TBC1D1: variants seen among roughly 807,000 people sequenced by gnomAD.
TBC1D1 encodes TBC1 domain family member 1, also known as TBC1 (tre-2/USP6, BUB2, cdc16) domain family, member 1.
TBC1D1 carries 89 observed loss-of-function variants against 125.6 expected under a neutral mutation model. The observed-to-expected ratio is 0.71, with a 90% CI of 0.60 to 0.85. The LOEUF (loss-of-function observed/expected upper bound fraction) is 0.85, where lower values mean the gene tolerates loss of function less well. TBC1D1 is among the 40% of genes least tolerant of loss of function. The probability of loss-of-function intolerance (pLI) is 0.00; values close to 1 mark genes in which losing one functional copy is unlikely to be tolerated. For missense variants in TBC1D1, 1,377 were observed against 1,469.2 expected (o/e 0.94, Z 1.03); for synonymous variants, 565 against 564.1 (o/e 1.00, Z -0.02).
At chr4:38,117,285 G>A (rs1367279502) in intron 16 of TBC1D1, among the ~76,000 whole-genome samples, 1 of 151,954 alleles carries the variant, frequency 6.6e-6, no homozygotes, top group Admixed American at 6.6e-5. Context: ...TCTGTAGGTT[G>A]TTGTTTCTTT....
intron 2 of TBC1D1, among the ~76,000 whole-genome samples, chr4:37,951,325 C>G (rs1727822284): frequency 6.6e-6 from 1 of 152,124 alleles, no homozygotes; most frequent in Non-Finnish European, 1.5e-5. Flanking sequence ...CCCGAGCTGA[C>G]ACTGGTTGAA....
At chr4:38,013,706 G>A (rs988365440) in intron 2 of TBC1D1, among the ~76,000 whole-genome samples, 1 of 152,222 alleles carries the variant, frequency 6.6e-6, no homozygotes, top group African/African-American at 2.4e-5. Flanking sequence ...ATGAGAGGAT[G>A]TAGCAGTAGG....
intron 12 of TBC1D1, among the ~76,000 whole-genome samples, chr4:38,070,586 T>C (rs1351604491): frequency 6.6e-6 from 1 of 152,212 alleles, no homozygotes; most frequent in East Asian, 1.9e-4. Flanking sequence ...TGGTTTCTTT[T>C]GTATAAAGGG....
At position 37,995,874 on chromosome 4, in the gene TBC1D1, A is replaced by G; in HGVS notation, c.418-18635A>G. On this transcript the variant is annotated intron_variant, in intron 2 of 19. Transcript: ENST00000261439. This position sits in a 1 kb window ranked among gnomAD's most constrained non-coding sequence, Gnocchi z 4.3. ...CACCAGAATGCATTTCTCTTTGAGA[A>G]TCCAGACTTCTGGCTTAACCATGGC... 2 of 579,596 alleles carry G rather than the reference A, an allele frequency of 3.5e-6. No individual in the cohort carries two copies. Among genetic ancestry groups the G allele is most frequent in the South Asian group, 2.7e-5 (2 of 72,790 alleles). 35.9% of individuals were successfully genotyped at this position (579,596 alleles called of 1,614,324 possible).
Position 37,961,575 on chromosome 4 carries a change from G to C in TBC1D1, c.418-52934G>C, listed in dbSNP as rs146077827. 2.0e-3 allele frequency among the ~76,000 whole-genome samples: 301 copies of C among 152,292 alleles called. 2 individuals carry two copies. Among genetic ancestry groups the C allele is most frequent in the African/African-American group, 7.0e-3 (289 of 41,552 alleles). On this transcript the variant is annotated intron_variant, in intron 2 of 19. Transcript: ENST00000261439. ...TTGAATTCTGTACAAAGCTTTGATA[G>C]AGTCACAGATGTCTGGTGTCAATCC...
At chr4:37,967,265 C>CG (rs1033230339) in intron 2 of TBC1D1, among the ~76,000 whole-genome samples, 1 of 152,018 alleles carries the variant, frequency 6.6e-6, no homozygotes, top group Non-Finnish European at 1.5e-5. Flanking sequence ...GAGGGCGAGG[C>CG]GGGTGGATCA....
chr4:38,132,930 T>C (rs1324036750), intron 18 of TBC1D1, 154 bp from the exon 21 acceptor site: 2 of 471,156 alleles, frequency 4.2e-6, no homozygotes, highest in African/African-American at 2.0e-5. Flanking sequence ...TCTCAGTGCG[T>C]AGTTTTTCTT....
At chr4:38,009,719 A>T (rs1411239783) in intron 2 of TBC1D1, among the ~76,000 whole-genome samples, 1 of 152,254 alleles carries the variant, frequency 6.6e-6, no homozygotes, top group East Asian at 1.9e-4. Flanking sequence ...GTGAACAAAG[A>T]AACTTGTTTT....
intron 2 of TBC1D1, among the ~76,000 whole-genome samples, chr4:37,998,478 G>C (rs924570383): frequency 2.0e-5 from 3 of 152,182 alleles, no homozygotes; most frequent in African/African-American, 7.2e-5. Context: ...GGGTCGGGCT[G>C]TCCTGGGCCT....
chr4:37,977,392 C>A lies in TBC1D1; in HGVS notation c.418-37117C>A. 1.9e-6 allele frequency: 1 copy of A among 527,598 alleles called. No individual in the cohort carries two copies. Among genetic ancestry groups the A allele is most frequent in the Non-Finnish European group, 2.4e-6 (1 of 414,294 alleles). The allele number at this position is 527,598 out of a possible 1,614,324, so 32.7% of individuals were successfully genotyped here. A position where few individuals can be genotyped will look rare whatever the true frequency, so the allele number is the denominator to read the frequency against. ...GCCGCCGCCGCCGGGGAGAGCGATG[C>A]CCCGGCCCCGCCGCTCCCCAAGCCC... On this transcript the variant is annotated intron_variant, in intron 2 of 19. Transcript: ENST00000261439. This position sits in a 1 kb window ranked among gnomAD's most constrained non-coding sequence, Gnocchi z 4.3.
At chr4:37,983,019 G>T (rs549346546) in intron 2 of TBC1D1, among the ~76,000 whole-genome samples, 9 of 152,316 alleles carry the variant, frequency 5.9e-5, no homozygotes, top group Non-Finnish European at 1.2e-4. Flanking sequence ...AGTAGCAGAG[G>T]CGAATGAGGA....
chr4:37,952,185 C>G (rs1174417548), intron 2 of TBC1D1: 1 of 673,744 alleles, frequency 1.5e-6, no homozygotes, highest in African/African-American at 1.8e-5. Context: ...GACTATTTAT[C>G]CTGTGACTTC....
At chr4:37,966,962 T>C (rs1731190666) in intron 2 of TBC1D1, among the ~76,000 whole-genome samples, 1 of 152,232 alleles carries the variant, frequency 6.6e-6, no homozygotes, top group Non-Finnish European at 1.5e-5. Flanking sequence ...TGCAAGTACC[T>C]GTGGCTTGGT....
chr4:38,124,188 G>A (rs1193799314), intron 17 of TBC1D1, among the ~76,000 whole-genome samples: 1 of 133,270 alleles, frequency 7.5e-6, no homozygotes, highest in African/African-American at 2.9e-5. Flanking sequence ...ATTAGTTATC[G>A]TGGCTCTGCT....
At chr4:37,896,950 CTG>C (rs962506374) in intron 1 of TBC1D1, among the ~76,000 whole-genome samples, 1 of 151,990 alleles carries the variant, frequency 6.6e-6, no homozygotes, top group African/African-American at 2.4e-5. Flanking sequence ...TGTTTAAAGA[CTG>C]TGCTAGGTGG....
intron 12 of TBC1D1, among the ~76,000 whole-genome samples, chr4:38,082,946 C>A (rs991910431): frequency 1.3e-5 from 2 of 152,122 alleles, no homozygotes; most frequent in Non-Finnish European, 2.9e-5. Context: ...GGATAAAGAT[C>A]TGCAGGCCTC....
intron 15 of TBC1D1, 120 bp from the exon 18 acceptor site, chr4:38,115,590 G>T: frequency 9.7e-7 from 1 of 1,028,904 alleles, no homozygotes; most frequent in African/African-American, 1.6e-5. Flanking sequence ...AAGACTGATT[G>T]ATATTATGAT....
At chr4:38,015,837 A>G (rs1742598223) in intron 3 of TBC1D1, among the ~76,000 whole-genome samples, 2 of 152,146 alleles carry the variant, frequency 1.3e-5, no homozygotes. Context: ...TGCAGTGTGG[A>G]TGTGTGCAGG....
intron 15 of TBC1D1, among the ~76,000 whole-genome samples, chr4:38,114,511 G>A (rs1407412611): frequency 1.3e-5 from 2 of 152,276 alleles, no homozygotes; most frequent in East Asian, 3.9e-4. Flanking sequence ...TCCACCTTTT[G>A]CCTTCGCTGA....
Sources: allele counts gnomAD v4.1 joint callset (sites outside exome capture counted in the v4.1 genomes callset), GRCh38; gene constraint gnomAD v4.1.1; non-coding constraint Gnocchi (gnomAD v3.1); transcripts MANE v1.5; gene names NCBI Gene and HGNC (gene_info 2026-07-23, HGNC 2026-07-21).